Variants in PEF1 observed in about 807,000 individuals in gnomAD.
PEF1 encodes peflin.
In PEF1, 17 loss-of-function variants were observed where a neutral mutation model predicts 32.0. The observed-to-expected ratio is 0.53, with a 90% CI of 0.36 to 0.80. The LOEUF is 0.80. Ranked by LOEUF, PEF1 falls within the 30% of genes least tolerant of loss-of-function variation. PEF1 has a pLI of 0.00. For missense variants in PEF1, 362 were observed against 369.1 expected, an observed-to-expected ratio of 0.98 and a Z score of 0.16; for synonymous variants, 130 against 139.8, an observed-to-expected ratio of 0.93 and a Z score of 0.50.
intron 2 of PEF1, 108 bp downstream of exon 2, chr1:31,635,113 TA>T: frequency 7.5e-7 from 1 of 1,340,512 alleles, no homozygotes; most frequent in Non-Finnish European, 1.0e-6. Flanking sequence ...AGCAAGATGC[TA>T]AGGTGCCAGA....
chr1:31,630,244 C>T lies in PEF1; in HGVS notation c.*369G>A, dbSNP rs761141390. 8 of 292,382 alleles carry T rather than the reference C, an allele frequency of 2.7e-5. No homozygotes were observed. The highest frequency in any genetic ancestry group is 4.0e-5 in the Non-Finnish European group (6 of 148,872). 18.1% of individuals were successfully genotyped at this position (292,382 alleles called of 1,614,324 possible). On this transcript the variant is annotated 3_prime_UTR_variant, in exon 5 of 5. Coordinates refer to ENST00000373703, the MANE Select transcript of PEF1 (RefSeq NM_012392.4). ...ATGGCCTGGTGAGGGAACACAGGTA[C>T]TAACGGTAACAGGCCGATGAACACT... is the stretch of plus-strand genomic sequence containing the variant.
At position 31,630,261 on chromosome 1, in the gene PEF1, A is replaced by G; in HGVS notation, c.*352T>C. ...CACAGGTACTAACGGTAACAGGCCG[A>G]TGAACACTCACCACTGGCATCAGGG... On this transcript the variant is annotated 3_prime_UTR_variant, in exon 5 of 5. Transcript: ENST00000373703. 3.1e-6 allele frequency: 1 copy of G among 326,616 alleles called. No homozygotes were observed. Among genetic ancestry groups the G allele is most frequent in the Middle Eastern group, 1.0e-3 (1 of 972 alleles). The allele number at this position is 326,616 out of a possible 1,614,324, so 20.2% of individuals were successfully genotyped here. A position where few individuals can be genotyped will look rare whatever the true frequency, so the allele number is the denominator to read the frequency against.
chr1:31,633,758 C>T (rs1640180002), intron 2 of PEF1, among the ~76,000 whole-genome samples: 3 of 152,030 alleles, frequency 2.0e-5, no homozygotes, highest in Admixed American at 2.0e-4. Flanking sequence ...GAGTTTGAGA[C>T]CAGCTTGACC....
chr1:31,630,555 TCA>T lies in PEF1; in HGVS notation c.*56_*57del. 1 of 1,493,742 alleles carries T rather than the reference TCA, an allele frequency of 6.7e-7. No homozygotes were observed. Among genetic ancestry groups the T allele is most frequent in the Non-Finnish European group, 9.3e-7 (1 of 1,078,270 alleles). The allele number at this position is 1,493,742 out of a possible 1,614,324, so 92.5% of individuals were successfully genotyped here. On this transcript the variant is annotated 3_prime_UTR_variant, in exon 5 of 5. Coordinates refer to ENST00000373703, the MANE Select transcript of PEF1 (RefSeq NM_012392.4). ...AAGAAGAGATGTCCACATACTTCTC[TCA>T]CTCTAAGAAGCCAGGAAAGGTCCCT...
In PEF1 at chr1:31,633,636, G is replaced by A. The variant is rs1166451383; in HGVS notation, c.326-322C>T. 3.9e-5 allele frequency among the ~76,000 whole-genome samples: 6 copies of A among 152,190 alleles called. No individual in the cohort carries two copies. In the South Asian group the frequency reaches 8.3e-4, roughly 21 times the overall value. On this transcript the variant is annotated intron_variant, in intron 2 of 4. Transcript: ENST00000373703. ...GAATTCTCTGGAAAAGGTAAACTGC[G>A]AGATGGGGGAATGGGTGGTAGATAA...
chr1:31,636,992 C>T (rs938278217), intron 1 of PEF1, among the ~76,000 whole-genome samples: 1 of 152,196 alleles, frequency 6.6e-6, no homozygotes, highest in Admixed American at 6.5e-5. Context: ...GGCCCAGCTC[C>T]GAGAACGGCA....
intron 4 of PEF1, 194 bp downstream of exon 4, chr1:31,632,301 C>T: frequency 1.0e-6 from 1 of 955,688 alleles, no homozygotes; most frequent in Non-Finnish European, 1.7e-6. Context: ...CAGGTGTTTC[C>T]TTGCCCTGGC....
chr1:31,632,751 CAG>C (rs1487106785), intron 3 of PEF1, 113 bp from the exon 4 acceptor site: 17 of 1,289,036 alleles, frequency 1.3e-5, no homozygotes, highest in Non-Finnish European at 1.8e-5. Flanking sequence ...GGCGACTTCA[CAG>C]AACCAAGCCC....
intron 1 of PEF1, among the ~76,000 whole-genome samples, chr1:31,638,404 G>C (rs1557588244): frequency 6.6e-6 from 1 of 152,208 alleles, no homozygotes; most frequent in Non-Finnish European, 1.5e-5. Context: ...TAGGGCTCAG[G>C]ATTCCAGCAT....
chr1:31,639,283 T>C (rs1207811099), intron 1 of PEF1, among the ~76,000 whole-genome samples: 1 of 152,150 alleles, frequency 6.6e-6, no homozygotes. Flanking sequence ...TATACACTCG[T>C]TGACCAAGCA....
intron 4 of PEF1, among the ~76,000 whole-genome samples, chr1:31,631,194 G>C (rs1457112131): frequency 6.6e-6 from 1 of 152,220 alleles, no homozygotes; most frequent in African/African-American, 2.4e-5. Context: ...CACCTTGCCT[G>C]GGGCAGACAT....
At chr1:31,638,215 G>A (rs941440708) in intron 1 of PEF1, among the ~76,000 whole-genome samples, 1 of 152,054 alleles carries the variant, frequency 6.6e-6, no homozygotes, top group African/African-American at 2.4e-5. Flanking sequence ...GGAGAGGTGT[G>A]ACAAGAGAAA....
intron 1 of PEF1, chr1:31,644,187 C>CAG (rs1468006451): frequency 5.7e-6 from 1 of 175,144 alleles, no homozygotes; most frequent in African/African-American, 2.4e-5. Flanking sequence ...GCCACAGAAT[C>CAG]ACCTTGCTGC....
intron 1 of PEF1, chr1:31,644,584 T>G: frequency 7.0e-7 from 1 of 1,423,938 alleles, no homozygotes. Flanking sequence ...AGCCTGGACC[T>G]GTGGGGTCCA....
rs538300156 is a variant in PEF1 at position 31,633,812 on chromosome 1, G to A, written c.326-498C>T. 6.6e-5 allele frequency among the ~76,000 whole-genome samples: 10 copies of A among 152,152 alleles called. No individual in the cohort carries two copies. In the South Asian group the frequency reaches 8.3e-4, roughly 13 times the overall value. On this transcript the variant is annotated intron_variant, in intron 2 of 4. Transcript: ENST00000373703. The stretch of plus-strand genomic sequence containing the variant: ...CTCTACTAAAAATAGAAAATTAGCC[G>A]GGCATGGTGGCACATGCCTGTAATC...
At chr1:31,631,911 C>A (rs1640114536) in intron 4 of PEF1, among the ~76,000 whole-genome samples, 2 of 120,640 alleles carry the variant, frequency 1.7e-5, no homozygotes, top group African/African-American at 5.5e-5. Context: ...GGTGGCAAAG[C>A]TCCCTCTTGG....
intron 1 of PEF1, among the ~76,000 whole-genome samples, chr1:31,636,851 T>G (rs985783453): frequency 6.6e-6 from 1 of 152,182 alleles, no homozygotes; most frequent in African/African-American, 2.4e-5. Flanking sequence ...CCCTCTCTCA[T>G]CCATCTTCCC....
intron 1 of PEF1, among the ~76,000 whole-genome samples, chr1:31,639,515 G>A (rs1640341905): frequency 6.6e-6 from 1 of 152,166 alleles, no homozygotes; most frequent in Non-Finnish European, 1.5e-5. Context: ...CTTTATGCCG[G>A]AGAAAACAGA....
At chr1:31,636,697 C>T (rs905473133) in intron 1 of PEF1, among the ~76,000 whole-genome samples, 2 of 152,216 alleles carry the variant, frequency 1.3e-5, no homozygotes, top group African/African-American at 2.4e-5. Context: ...TCAATAAACA[C>T]TATTAATAAT....
Sources: gnomAD v4.1 joint callset for allele counts (sites outside exome capture counted in the v4.1 genomes callset) on GRCh38, gnomAD v4.1.1 for gene constraint, MANE v1.5 for transcripts, NCBI Gene and HGNC (gene_info 2026-07-23, HGNC 2026-07-21) for gene names.